Variants in EIF3H observed in about 807,000 individuals in gnomAD.
EIF3H encodes eukaryotic translation initiation factor 3 subunit H.
Under a neutral mutation model 44.2 loss-of-function variants are expected in EIF3H, and 26 were observed. The observed-to-expected ratio is 0.59, with a 90% CI of 0.43 to 0.82. EIF3H has a LOEUF of 0.82. EIF3H is among the 40% of genes least tolerant of loss of function. EIF3H has a pLI of 0.00. For synonymous variants in EIF3H, 166 were observed against 151.9 expected (o/e 1.09, Z -0.68); for missense variants, 359 against 432.8 (o/e 0.83, Z 1.51).
upstream of EIF3H, among the ~76,000 whole-genome samples, chr8:116,756,223 T>C (rs1467722452): frequency 5.3e-5 from 8 of 152,248 alleles, no homozygotes; most frequent in African/African-American, 1.9e-4. Flanking sequence ...TTCTGTTAAT[T>C]AGCGATGAGC....
At position 116,644,895 on chromosome 8, in the gene EIF3H, C is replaced by A; in HGVS notation, c.*111G>T. ...CTGTTATAGCCAAAATCGGCAATGA[C>A]ACTAAAGAAATCCTCTGTGCTTTTC... On this transcript the variant is annotated 3_prime_UTR_variant, in exon 8 of 8. Transcript: ENST00000521861. 1.2e-6 allele frequency: 1 copy of A among 818,702 alleles called. No homozygotes were observed. Among genetic ancestry groups the A allele is most frequent in the South Asian group, 1.8e-5 (1 of 54,064 alleles). 50.7% of individuals were successfully genotyped at this position (818,702 alleles called of 1,614,324 possible). A position where few individuals can be genotyped will look rare whatever the true frequency, so the allele number is the denominator to read the frequency against.
At chr8:116,721,485 G>A (rs1212230138) in intron 2 of EIF3H, among the ~76,000 whole-genome samples, 3 of 152,260 alleles carry the variant, frequency 2.0e-5, no homozygotes, top group Non-Finnish European at 2.9e-5. Flanking sequence ...GCACTGCCTA[G>A]TGGAGCTGTG....
chr8:116,652,216 A>G (rs528121034), intron 5 of EIF3H, among the ~76,000 whole-genome samples: 1 of 152,228 alleles, frequency 6.6e-6, no homozygotes, highest in Non-Finnish European at 1.5e-5. Context: ...AACATATTAC[A>G]TGCTGAAGAG....
chr8:116,720,318 A>G (rs1303691659), intron 2 of EIF3H, among the ~76,000 whole-genome samples: 3 of 152,236 alleles, frequency 2.0e-5, no homozygotes, highest in South Asian at 2.1e-4. Context: ...CATTGAAAAA[A>G]TATTAAATGT....
chr8:116,673,942 C>T (rs911900124), intron 2 of EIF3H, among the ~76,000 whole-genome samples: 20 of 151,330 alleles, frequency 1.3e-4, no homozygotes, highest in Admixed American at 1.1e-3. Flanking sequence ...TGGTGGTGGG[C>T]GCCTGTAGTC....
chr8:116,728,970 T>C (rs1368408496), intron 1 of EIF3H, among the ~76,000 whole-genome samples: 1 of 152,250 alleles, frequency 6.6e-6, no homozygotes, highest in Non-Finnish European at 1.5e-5. Flanking sequence ...AACTATTTAA[T>C]GCTTATTCAA....
chr8:116,725,966 A>G (rs757791158), intron 2 of EIF3H, 50 bp downstream of exon 2: 2 of 1,570,936 alleles, frequency 1.3e-6, no homozygotes, highest in East Asian at 4.5e-5. Context: ...ACCTGTGTCA[A>G]TATCCATTTG....
intron 1 of EIF3H, among the ~76,000 whole-genome samples, chr8:116,732,555 A>G (rs924713807): frequency 5.3e-5 from 8 of 152,228 alleles, no homozygotes; most frequent in Non-Finnish European, 1.2e-4. Flanking sequence ...ATAATTTCCT[A>G]TCAAACATAA....
At position 116,720,303 on chromosome 8, in the gene EIF3H, T is replaced by G. The variant is rs34568412; in HGVS notation, c.289+5713A>C. On this transcript the variant is annotated intron_variant, in intron 2 of 7. Coordinates refer to ENST00000521861, the MANE Select transcript of EIF3H (RefSeq NM_003756.3). ...TGTTGTAATGTTTTTAAATTTAAAT[T>G]TTTACATTGAAAAAATATTAAATGT... is the stretch of plus-strand genomic sequence containing the variant. Among the ~76,000 whole-genome samples, 814 of 152,332 alleles carry G rather than the reference T, an allele frequency of 5.3e-3. 4 individuals carry two copies. The highest frequency in any genetic ancestry group is 0.019 in the African/African-American group (777 of 41,574).
intron 1 of EIF3H, among the ~76,000 whole-genome samples, chr8:116,761,017 C>A (rs1223867828): frequency 2.0e-5 from 3 of 152,062 alleles, no homozygotes; most frequent in African/African-American, 7.2e-5. Flanking sequence ...ATGAAAGACC[C>A]ATTTAGTGTG....
chr8:116,661,877 G>GA (rs1244433270), intron 2 of EIF3H, among the ~76,000 whole-genome samples: 3 of 152,162 alleles, frequency 2.0e-5, no homozygotes, highest in Non-Finnish European at 4.4e-5. Flanking sequence ...AACTAGGGAA[G>GA]AAAGTCAAGA....
Position 116,748,068 on chromosome 8 carries a change from C to T in EIF3H, c.132+7598G>A, listed in dbSNP as rs114240636. Among the ~76,000 whole-genome samples the T allele has an allele frequency of 5.4e-3, 814 of 151,834 alleles. 4 individuals carry two copies. The highest frequency in any genetic ancestry group is 0.019 in the African/African-American group (777 of 41,396). On this transcript the variant is annotated intron_variant, in intron 1 of 7. Coordinates refer to ENST00000521861, the MANE Select transcript of EIF3H (RefSeq NM_003756.3). The stretch of plus-strand genomic sequence containing the variant: ...GGAGGTTGCAGTGAGCCAAGATCCA[C>T]TTGAACCTGGGAGGCAGAGGTTGCA...
intron 1 of EIF3H, among the ~76,000 whole-genome samples, chr8:116,749,091 T>C (rs990743195): frequency 1.3e-5 from 2 of 152,142 alleles, no homozygotes; most frequent in Non-Finnish European, 2.9e-5. Flanking sequence ...GAATAAGGTA[T>C]CTAATAAGAT....
intron 2 of EIF3H, among the ~76,000 whole-genome samples, chr8:116,691,662 G>T (rs573491302): frequency 6.6e-6 from 1 of 152,108 alleles, no homozygotes; most frequent in East Asian, 1.9e-4. Context: ...ATCACTTTAG[G>T]CCAGGAGTTC....
chr8:116,676,913 T>G (rs956971614), intron 2 of EIF3H, among the ~76,000 whole-genome samples: 1 of 151,904 alleles, frequency 6.6e-6, no homozygotes, highest in Non-Finnish European at 1.5e-5. Flanking sequence ...TGCAGATGAT[T>G]GGCACCAGTG....
At chr8:116,679,156 G>A (rs1488298109) in intron 2 of EIF3H, among the ~76,000 whole-genome samples, 1 of 74,990 alleles carries the variant, frequency 1.3e-5, no homozygotes, top group African/African-American at 4.5e-5. Flanking sequence ...CGCCCCGTCC[G>A]GGAGGGAGGT....
At chr8:116,722,792 C>G (rs1369004458) in intron 2 of EIF3H, among the ~76,000 whole-genome samples, 1 of 152,114 alleles carries the variant, frequency 6.6e-6, no homozygotes, top group Non-Finnish European at 1.5e-5. Flanking sequence ...CTATGTAAAT[C>G]CAAACACACA....
intron 5 of EIF3H, among the ~76,000 whole-genome samples, chr8:116,652,645 T>C (rs555710606): frequency 2.6e-5 from 4 of 152,278 alleles, no homozygotes; most frequent in African/African-American, 9.6e-5. Flanking sequence ...TGGCATGATA[T>C]ACAATTGGTG....
intron 2 of EIF3H, among the ~76,000 whole-genome samples, chr8:116,660,680 T>A (rs1178684904): frequency 2.0e-5 from 3 of 152,212 alleles, no homozygotes; most frequent in Admixed American, 2.0e-4. Context: ...TTTAAGTGCC[T>A]GTTTTGAAAG....
Sources: gnomAD v4.1 joint callset for allele counts (sites outside exome capture counted in the v4.1 genomes callset) on GRCh38, gnomAD v4.1.1 for gene constraint, MANE v1.5 for transcripts, NCBI Gene and HGNC (gene_info 2026-07-23, HGNC 2026-07-21) for gene names.